The following STAG2 variants were observed in gnomAD, a reference collection of about 807,000 sequenced individuals.
STAG2 encodes the protein STAG2 cohesin complex component.
A neutral mutation model predicts 108.1 loss-of-function variants in STAG2; 14 were observed. That is an observed-to-expected ratio of 0.13 (90% CI 0.09 to 0.20). The LOEUF (loss-of-function observed/expected upper bound fraction) is 0.20. STAG2 is among the 10% of genes least tolerant of loss of function. The pLI is 1.00. For missense variants in STAG2, 440 were observed against 940.9 expected (o/e 0.47, Z 6.96); for synonymous variants, 307 against 302.7 (o/e 1.01, Z -0.15).
chrX:124,018,721 G>T (rs180885721), intron 1 of STAG2, among the ~76,000 whole-genome samples: 2 of 110,608 alleles, frequency 1.8e-5, no homozygotes, highest in East Asian at 5.6e-4. Flanking sequence ...GGCTGGTCTC[G>T]AACTCCTGGG....
Position 124,076,355 on chromosome X carries a change from A to G in STAG2, c.2557A>G (p.Ser853Gly), listed in dbSNP as rs1223468326. Residue 853 changes from serine to glycine, a missense_variant, in exon 26 of 35, where the codon AGT becomes GGT. By Grantham distance (56) the Ser-to-Gly change is moderately conservative (BLOSUM62 0). Coordinates refer to ENST00000371145, the MANE Select transcript of STAG2 (RefSeq NM_001042750.2). ...SADGQQEDEASKIEALHKRRN... is the reference protein window; with the variant it reads ...SADGQQEDEAGKIEALHKRRN... ...AGATGGTCAGCAAGAGGATGAAGCC[A>G]GTAAAATTGAAGCTCTGCACAAGAG... 1 of 1,208,530 alleles carries G rather than the reference A, an allele frequency of 8.3e-7. No homozygotes were observed. The highest frequency in any genetic ancestry group is 1.1e-6 in the Non-Finnish European group (1 of 894,306).
chrX:124,039,680 A>T (rs1248885550), intron 6 of STAG2, among the ~76,000 whole-genome samples: 4 of 100,328 alleles, frequency 4.0e-5, no homozygotes, highest in Admixed American at 2.2e-4. Context: ...TTGTAGAGAC[A>T]GGTCTTTCTC....
rs1285733889 is a variant in STAG2, at chrX:124,100,895, AAAAC to A, written c.*302_*305del. 108 of 217,117 alleles carry A rather than the reference AAAAC, an allele frequency of 5.0e-4. No individual in the cohort carries two copies. Among genetic ancestry groups the A allele is most frequent in the African/African-American group, 1.6e-3 (53 of 33,879 alleles). 17.9% of individuals were successfully genotyped at this position (217,117 alleles called of 1,213,427 possible). ...TCATGCTTTTTTTTAAAAAAAAAAA[AAAAC>A]AAAATAACAATCTGAAGAGGCATTT... On this transcript the variant is annotated 3_prime_UTR_variant, in exon 35 of 35. Coordinates refer to ENST00000371145, the MANE Select transcript of STAG2 (RefSeq NM_001042750.2).
At chrX:124,056,292 G>A in intron 14 of STAG2, 57 bp downstream of exon 14, 3 of 808,464 alleles carry the variant, frequency 3.7e-6, no homozygotes, top group Non-Finnish European at 5.4e-6. Context: ...ACAGTAATTT[G>A]TTATGTTATA....
chrX:124,016,288 C>T (rs988381400), intron 1 of STAG2, among the ~76,000 whole-genome samples: 22 of 110,849 alleles, frequency 2.0e-4, no homozygotes, highest in Admixed American at 5.8e-4. Context: ...TATAGGCACG[C>T]GCCACCATGC....
chrX:124,079,852 G>T (rs968183154), intron 27 of STAG2, among the ~76,000 whole-genome samples: 4 of 110,311 alleles, frequency 3.6e-5, no homozygotes, highest in African/African-American at 1.3e-4. Flanking sequence ...AAATTAAATT[G>T]TGCATTCCAT....
chrX:124,019,976 C>T (rs1415589156), intron 1 of STAG2, among the ~76,000 whole-genome samples: 7 of 112,300 alleles, frequency 6.2e-5, no homozygotes, highest in East Asian at 5.6e-4. Context: ...TACGCACATG[C>T]GCGCATCTAT....
intron 23 of STAG2, among the ~76,000 whole-genome samples, chrX:124,067,006 T>C (rs1017494891): frequency 7.2e-5 from 8 of 111,601 alleles, no homozygotes; most frequent in African/African-American, 1.6e-4. Flanking sequence ...ATTGTACTTG[T>C]AGTGCTGGAT....
At chrX:123,965,874 C>G (rs929525118) in intron 1 of STAG2, among the ~76,000 whole-genome samples, 12 of 109,637 alleles carry the variant, frequency 1.1e-4, no homozygotes, top group African/African-American at 3.7e-4. Flanking sequence ...TGGTGCACAC[C>G]TGTGGTCCCA....
At chrX:124,091,082 AATC>A in intron 32 of STAG2, 118 bp downstream of exon 32, 1 of 551,583 alleles carries the variant, frequency 1.8e-6, no homozygotes, top group African/African-American at 2.3e-5. Context: ...AAGCTGAAAT[AATC>A]AAGGAACTAA....
Position 124,028,812 on chromosome X carries a change from ATATATATATATTTT to A in STAG2, c.124-2147_124-2134del, listed in dbSNP as rs1191605733. ...GAATAGTTTATATATATATATATAT[ATATATATATATTTT>A]TTTTTTTATAGAGATGGGGTCTCGC... is the stretch of plus-strand genomic sequence containing the variant. On this transcript the variant is annotated intron_variant, in intron 4 of 34. Coordinates refer to ENST00000371145, the MANE Select transcript of STAG2 (RefSeq NM_001042750.2). Among the ~76,000 whole-genome samples, 566 of 89,065 alleles carry A rather than the reference ATATATATATATTTT, an allele frequency of 6.4e-3. 6 individuals are homozygous for A. Among genetic ancestry groups the A allele is most frequent in the African/African-American group, 0.023 (535 of 23,336 alleles). The allele number at this position is 89,065 out of a possible 115,157, so 77.3% of individuals were successfully genotyped here.
rs2297651 is a variant in STAG2 at position 124,061,185 on chromosome X, A to C, written c.1417-39A>C. The C allele has an allele frequency of 0.24, 244,021 of 1,008,024 alleles. 21,471 individuals carry two copies. The highest frequency in any genetic ancestry group is 0.39 in the South Asian group (16,568 of 42,967). The allele number at this position is 1,008,024 out of a possible 1,213,427, so 83.1% of individuals were successfully genotyped here. ...ATTCTTTTGAGTTAAGGCTAGTATG[A>C]TAATTGTCTAAGACCACATTGCTCT... is the stretch of plus-strand genomic sequence containing the variant. On this transcript the variant is annotated intron_variant, in intron 15 of 34. Coordinates refer to ENST00000371145, the MANE Select transcript of STAG2 (RefSeq NM_001042750.2).
chrX:124,083,424 T>C lies in STAG2; in HGVS notation c.2928T>C (p.Asp976=). 8.5e-7 allele frequency: 1 copy of C among 1,169,816 alleles called. No homozygotes were observed. Among genetic ancestry groups the C allele is most frequent in the Non-Finnish European group, 1.1e-6 (1 of 877,073 alleles). The change falls in exon 29 of 35, where the codon GAT becomes GAC. Residue 976 remains aspartate (D), a synonymous_variant. Coordinates refer to ENST00000371145, the MANE Select transcript of STAG2 (RefSeq NM_001042750.2). The part of the protein sequence containing the change: ...TREAIAMLHK[D]GIEFAFKEPN... Reference sequence around the variant, plus strand: ...TATTTTTTGTTTTCCTTTGCAGAGATGGCATAGAATTTGCTTTTAAAGAGC... The same window carrying C: ...TATTTTTTGTTTTCCTTTGCAGAGACGGCATAGAATTTGCTTTTAAAGAGC...
At chrX:123,993,693 G>A (rs1472043943) in intron 1 of STAG2, among the ~76,000 whole-genome samples, 1 of 111,456 alleles carries the variant, frequency 9.0e-6, no homozygotes, top group Non-Finnish European at 1.9e-5. Context: ...ACTTAGAATA[G>A]CTTTTCTTAA....
chrX:124,051,699 T>G (rs761675771), intron 13 of STAG2, among the ~76,000 whole-genome samples: 275 of 110,215 alleles, frequency 2.5e-3, no homozygotes, highest in Middle Eastern at 9.3e-3. Flanking sequence ...CACGCCATTC[T>G]CCTGCCTCAG....
chrX:124,055,358 C>A (rs760661061), intron 13 of STAG2, among the ~76,000 whole-genome samples: 13 of 111,607 alleles, frequency 1.2e-4, no homozygotes, highest in Non-Finnish European at 2.3e-4. Flanking sequence ...ATGGTAAAAA[C>A]CTAGATTATA....
intron 33 of STAG2, among the ~76,000 whole-genome samples, chrX:124,094,904 G>A (rs973618711): frequency 6.4e-5 from 7 of 108,960 alleles, no homozygotes; most frequent in African/African-American, 6.6e-5. Context: ...TGAGTTTTCC[G>A]GTTTTTGTCT....
intron 34 of STAG2, among the ~76,000 whole-genome samples, chrX:124,098,006 T>C (rs1442069257): frequency 9.1e-6 from 1 of 109,448 alleles, no homozygotes; most frequent in Non-Finnish European, 1.9e-5. Flanking sequence ...TTTTCTTAGT[T>C]ACATACTAGA....
intron 6 of STAG2, 110 bp from the exon 7 acceptor site, chrX:124,042,459 A>G: frequency 2.0e-6 from 1 of 489,242 alleles, no homozygotes. Flanking sequence ...TTGAAGAAGT[A>G]TGCCTTTTAT....
Sources: allele counts gnomAD v4.1 joint callset (sites outside exome capture counted in the v4.1 genomes callset), GRCh38; gene constraint gnomAD v4.1.1; transcripts MANE v1.5; gene names NCBI Gene and HGNC (gene_info 2026-07-23, HGNC 2026-07-21).